TRHDE: variants seen among roughly 807,000 people sequenced by gnomAD.
TRHDE encodes thyrotropin releasing hormone degrading enzyme.
In TRHDE, 72 loss-of-function variants were observed where a neutral mutation model predicts 125.7. The ratio of observed to expected loss-of-function variants is 0.57; its 90% confidence interval spans 0.47 to 0.70. TRHDE has a LOEUF of 0.70. TRHDE is among the 30% of genes least tolerant of loss of function. The pLI is 0.00. For missense variants in TRHDE, 1,110 were observed against 1,327.1 expected, an observed-to-expected ratio of 0.84 and a Z score of 2.54; for synonymous variants, 509 against 509.1, an observed-to-expected ratio of 1.00 and a Z score of 0.00.
intron 12 of TRHDE, among the ~76,000 whole-genome samples, chr12:72,614,330 A>ATATTTTT (rs531067163): frequency 7.7e-6 from 1 of 129,860 alleles, no homozygotes; most frequent in African/African-American, 3.1e-5. Context: ...ATATATATAT[A>ATATTTTT]TTTTTTTTTT....
At chr12:72,550,965 A>C (rs1328977791) in intron 7 of TRHDE, among the ~76,000 whole-genome samples, 2 of 151,914 alleles carry the variant, frequency 1.3e-5, no homozygotes, top group African/African-American at 4.8e-5. Context: ...ATTTTAATAC[A>C]TTCTCTGCTT....
At chr12:72,464,937 T>C (rs1876298799) in intron 3 of TRHDE, among the ~76,000 whole-genome samples, 1 of 152,200 alleles carries the variant, frequency 6.6e-6, no homozygotes, top group Admixed American at 6.5e-5. Flanking sequence ...TTCATATCTG[T>C]CTATAGTTTT....
intron 1 of TRHDE, 45 bp from the exon 2 acceptor site, chr12:72,286,636 C>T: frequency 6.4e-7 from 1 of 1,568,408 alleles, no homozygotes; most frequent in South Asian, 1.2e-5. Context: ...CATAACTTAA[C>T]TCACAACATA....
chr12:72,607,733 C>T (rs1392067325), intron 12 of TRHDE, among the ~76,000 whole-genome samples: 1 of 151,992 alleles, frequency 6.6e-6, no homozygotes, highest in East Asian at 1.9e-4. Flanking sequence ...TAACTTTGGC[C>T]AGGAGGTTCT....
At chr12:72,144,701 CCTGA>C (rs1238703611) in intron 2 of TRHDE, among the ~76,000 whole-genome samples, 1 of 152,114 alleles carries the variant, frequency 6.6e-6, no homozygotes, top group Non-Finnish European at 1.5e-5. Flanking sequence ...GTCTGAATGG[CCTGA>C]CTTTCTCAGT....
upstream of TRHDE, among the ~76,000 whole-genome samples, chr12:72,269,906 G>A (rs1490276468): frequency 2.0e-5 from 3 of 152,166 alleles, no homozygotes; most frequent in Non-Finnish European, 4.4e-5. Context: ...AAGTCTTAAA[G>A]ATCCCTTAGT....
intron 3 of TRHDE, among the ~76,000 whole-genome samples, chr12:72,397,228 G>T (rs1241264736): frequency 6.6e-6 from 1 of 152,068 alleles, no homozygotes; most frequent in African/African-American, 2.4e-5. Context: ...TAATCTATCA[G>T]CAAATCCTAC....
At chr12:72,581,958 C>T (rs1013650858) in intron 12 of TRHDE, among the ~76,000 whole-genome samples, 2 of 151,716 alleles carry the variant, frequency 1.3e-5, no homozygotes, top group Non-Finnish European at 2.9e-5. Flanking sequence ...AAAAATTAGC[C>T]GGGCAAGGTG....
At chr12:72,315,636 G>A (rs1406501792) in intron 2 of TRHDE, among the ~76,000 whole-genome samples, 1 of 152,262 alleles carries the variant, frequency 6.6e-6, no homozygotes, top group African/African-American at 2.4e-5. Flanking sequence ...CATATGGGCA[G>A]AGCTGCTGGA....
chr12:72,542,387 A>G (rs1869196247), intron 7 of TRHDE, 31 bp downstream of exon 7: 1 of 1,569,610 alleles, frequency 6.4e-7, no homozygotes, highest in Admixed American at 1.7e-5. Context: ...TTTCTTTTAC[A>G]TTTTTCCTTG....
intron 6 of TRHDE, among the ~76,000 whole-genome samples, chr12:72,526,571 A>AAATCATT (rs1738946528): frequency 6.6e-6 from 1 of 152,150 alleles, no homozygotes; most frequent in South Asian, 2.1e-4. Context: ...AAATACTGTA[A>AAATCATT]AATCATTTCT....
At chr12:72,501,207 T>C (rs544011454) in intron 6 of TRHDE, among the ~76,000 whole-genome samples, 1 of 152,150 alleles carries the variant, frequency 6.6e-6, no homozygotes, top group Non-Finnish European at 1.5e-5. Flanking sequence ...ATGCAATTCA[T>C]TTTTGCATAT....
Position 72,178,154 on chromosome 12 carries a change from A to G in TRHDE, n.279+72402A>G, listed in dbSNP as rs115512697. Among the ~76,000 whole-genome samples the G allele has an allele frequency of 9.0e-3, 1,367 of 152,238 alleles. 31 individuals are homozygous for G. The highest frequency in any genetic ancestry group is 0.032 in the African/African-American group (1,337 of 41,560). Reference sequence around the variant, plus strand: ...AGAAGCTTTTTTGATTAAATAATCTATGCTTCTAAGTTGAAAAACACATAG... The same window carrying G: ...AGAAGCTTTTTTGATTAAATAATCTGTGCTTCTAAGTTGAAAAACACATAG... On this transcript the variant is annotated intron_variant and non_coding_transcript_variant, in intron 2 of 4. Coordinates refer to the TRHDE transcript ENST00000548156.
chr12:72,607,173 C>T (rs1215615835), intron 12 of TRHDE, among the ~76,000 whole-genome samples: 6 of 152,136 alleles, frequency 3.9e-5, no homozygotes, highest in African/African-American at 1.2e-4. Context: ...CAACTTTCCA[C>T]AGTCTGGATT....
At chr12:72,350,450 T>C (rs554464411) in intron 2 of TRHDE, among the ~76,000 whole-genome samples, 1 of 152,168 alleles carries the variant, frequency 6.6e-6, no homozygotes, top group South Asian at 2.1e-4. Flanking sequence ...TATTATAATC[T>C]TCTTTTTGTA....
chr12:72,329,584 G>C (rs564414865), intron 2 of TRHDE, among the ~76,000 whole-genome samples: 50 of 152,096 alleles, frequency 3.3e-4, no homozygotes, highest in Non-Finnish European at 6.5e-4. Context: ...GGTTTCTGAG[G>C]ACATTTATAG....
At chr12:72,620,338 C>CAAAA (rs3080963) in intron 13 of TRHDE, among the ~76,000 whole-genome samples, 37 of 67,290 alleles carry the variant, frequency 5.5e-4, no homozygotes, top group Non-Finnish European at 7.7e-4. Context: ...CCCATCTCTA[C>CAAAA]AAAAAAAAAA....
chr12:72,301,380 T>A, intron 2 of TRHDE, among the ~76,000 whole-genome samples: 1 of 152,096 alleles, frequency 6.6e-6, no homozygotes, highest in Non-Finnish European at 1.5e-5. Context: ...ATGCTTATGG[T>A]GGAGACAGTC....
At position 72,668,977 on chromosome 12, in the gene TRHDE, G is replaced by A. The variant is rs1280768623; in HGVS notation, c.*5782G>A. On this transcript the variant is annotated 3_prime_UTR_variant, in exon 19 of 19. Transcript: ENST00000261180. The stretch of plus-strand genomic sequence containing the variant: ...TCTTTCGAAAGAAGTATTAATTTGT[G>A]CATTCTGGTTTACCATTCATTTCTT... 1 of 151,696 alleles carries A rather than the reference G, an allele frequency of 6.6e-6. No homozygotes were observed. The highest frequency in any genetic ancestry group is 2.4e-5 in the African/African-American group (1 of 41,382). 9.4% of individuals were successfully genotyped at this position (151,696 alleles called of 1,614,324 possible).
Sources: allele counts gnomAD v4.1 joint callset (sites outside exome capture counted in the v4.1 genomes callset), GRCh38; gene constraint gnomAD v4.1.1; transcripts MANE v1.5; gene names NCBI Gene and HGNC (gene_info 2026-07-23, HGNC 2026-07-21).